The following SSR2 variants were observed in gnomAD, a reference collection of about 807,000 sequenced individuals.
SSR2 encodes translocon-associated protein subunit beta.
Under a neutral mutation model 22.6 loss-of-function variants are expected in SSR2, and 16 were observed. The ratio of observed to expected loss-of-function variants is 0.71; its 90% CI spans 0.48 to 1.08. The LOEUF (loss-of-function observed/expected upper bound fraction) is 1.08. Ranked by LOEUF, SSR2 falls within the 50% of genes least tolerant of loss-of-function variation. The pLI is 0.00. For missense variants in SSR2, 171 were observed against 221.6 expected (o/e 0.77, Z 1.45); for synonymous variants, 83 against 91.2 (o/e 0.91, Z 0.51).
At chr1:156,018,208 T>G in intron 3 of SSR2, 62 bp downstream of exon 3, 1 of 1,293,970 alleles carries the variant, frequency 7.7e-7, no homozygotes, top group Non-Finnish European at 1.1e-6. Flanking sequence ...GTACCCCTGC[T>G]GCTTTGCAGG....
At chr1:156,015,994 T>C (rs1418149936) in intron 3 of SSR2, among the ~76,000 whole-genome samples, 2 of 151,572 alleles carry the variant, frequency 1.3e-5, no homozygotes, top group East Asian at 4.0e-4. Flanking sequence ...CTACTAAAAA[T>C]ACAAAAATTA....
intron 3 of SSR2, among the ~76,000 whole-genome samples, chr1:156,017,551 T>G (rs1442829618): frequency 6.6e-6 from 1 of 151,780 alleles, no homozygotes; most frequent in Non-Finnish European, 1.5e-5. Flanking sequence ...GGTTTCACTA[T>G]CTTGGCCAGG....
chr1:156,011,815 G>C lies in SSR2; in HGVS notation c.436C>G (p.His146Asp), dbSNP rs1240602490. 1 of 1,613,572 alleles carries C rather than the reference G, an allele frequency of 6.2e-7. No individual in the cohort carries two copies. Among genetic ancestry groups the C allele is most frequent in the South Asian group, 1.1e-5 (1 of 91,058 alleles). ...QREFDRRFSP[H>D]FLDWAAFGVM... ...GAGAACACTAGAAAGCTTACAAAAT[G>C]AGGGGAGAATCGCCTGTCAAACTCC... The change falls in exon 5 of 6, where the codon CAT (histidine) becomes GAT (aspartate). Residue 146 changes from histidine to aspartate, a missense_variant. By Grantham distance (81) the His-to-Asp change is moderately conservative (BLOSUM62 -1). Coordinates refer to ENST00000295702, the MANE Select transcript of SSR2 (RefSeq NM_003145.4).
chr1:156,018,479 G>A, intron 2 of SSR2, 111 bp from the exon 3 acceptor site: 1 of 679,676 alleles, frequency 1.5e-6, no homozygotes, highest in Non-Finnish European at 2.5e-6. Flanking sequence ...AGGCCGAGGT[G>A]GGCAGATCAC....
rs752196541 is a variant in SSR2 at position 156,009,498 on chromosome 1, G to A, written c.*42C>T. ...AAAGCACCTGGATTTCTTGGGAGAG[G>A]AGCCTGGATTTCTTGGGAGAGGAGG... On this transcript the variant is annotated 3_prime_UTR_variant, in exon 6 of 6. Coordinates refer to ENST00000295702, the MANE Select transcript of SSR2 (RefSeq NM_003145.4). The A allele has an allele frequency of 6.8e-6, 10 of 1,462,262 alleles. No homozygotes were observed. The highest frequency in any genetic ancestry group is 1.1e-5 in the South Asian group (1 of 87,766). The allele number at this position is 1,462,262 out of a possible 1,614,324, so 90.6% of individuals were successfully genotyped here. A position where few individuals can be genotyped will look rare whatever the true frequency, so the allele number is the denominator to read the frequency against.
intron 2 of SSR2, among the ~76,000 whole-genome samples, chr1:156,019,631 C>T (rs1456111310): frequency 6.6e-6 from 1 of 152,100 alleles, no homozygotes; most frequent in African/African-American, 2.4e-5. Flanking sequence ...GCAATCCGCC[C>T]GCCTCAGCCT....
At chr1:156,010,388 A>C (rs1189754385) in intron 5 of SSR2, 1 of 151,922 alleles carries the variant, frequency 6.6e-6, no homozygotes, top group African/African-American at 2.4e-5. Flanking sequence ...TTATTTTTTT[A>C]GAGATAGAGT....
intron 4 of SSR2, 68 bp downstream of exon 4, chr1:156,014,893 C>G: frequency 7.7e-7 from 1 of 1,297,534 alleles, no homozygotes; most frequent in Non-Finnish European, 1.1e-6. Flanking sequence ...CCCTCTTACC[C>G]CCACCACAAG....
intron 1 of SSR2, 30 bp downstream of exon 1, chr1:156,020,858 C>G: frequency 2.1e-6 from 1 of 469,022 alleles, no homozygotes; most frequent in South Asian, 1.5e-5. Context: ...TCGCCTCTCC[C>G]GTTCGGACGC....
chr1:156,011,754 C>T, intron 5 of SSR2, 56 bp downstream of exon 5: 1 of 1,483,842 alleles, frequency 6.7e-7, no homozygotes, highest in Non-Finnish European at 9.4e-7. Context: ...GGGTCCAGAA[C>T]CAAAAGGGCA....
At chr1:156,015,483 G>A (rs1462236162) in intron 3 of SSR2, among the ~76,000 whole-genome samples, 1 of 103,026 alleles carries the variant, frequency 9.7e-6, no homozygotes, top group Non-Finnish European at 1.7e-5. Flanking sequence ...TCCAGCCTGG[G>A]TAACAGAGTG....
chr1:156,018,287 T>C lies in SSR2; in HGVS notation c.237A>G (p.Lys79=), dbSNP rs748458722. ...FGIVSGMLNV[K]WDRIAPASNV... ...GAGGATACGGGGCAATCCGGTCCCA[T>C]TTGACATTGAGCATTCCAGACACAA... is the stretch of plus-strand genomic sequence containing the variant. The change falls in exon 3 of 6, where the codon AAA becomes AAG. Residue 79 remains lysine (K), a synonymous_variant. Transcript: ENST00000295702. The C allele has an allele frequency of 2.5e-6, 4 of 1,614,000 alleles. No homozygotes were observed. In the South Asian group the frequency reaches 3.3e-5, roughly 13 times the overall value.
At chr1:156,015,979 C>T (rs977134554) in intron 3 of SSR2, among the ~76,000 whole-genome samples, 8 of 151,882 alleles carry the variant, frequency 5.3e-5, no homozygotes, top group Middle Eastern at 3.4e-3. Flanking sequence ...GGCGAAACCC[C>T]GTCTCTACTA....
rs1804478 is a variant in SSR2 at position 156,009,242 on chromosome 1, C to T, written c.*298G>A. 6,351 of 305,002 alleles carry T rather than the reference C, an allele frequency of 0.021. 142 individuals are homozygous for T. Among genetic ancestry groups the T allele is most frequent in the African/African-American group, 0.064 (2,844 of 44,286 alleles). 18.9% of individuals were successfully genotyped at this position (305,002 alleles called of 1,614,324 possible). On this transcript the variant is annotated 3_prime_UTR_variant, in exon 6 of 6. Coordinates refer to ENST00000295702, the MANE Select transcript of SSR2 (RefSeq NM_003145.4). ...CCTCCTAGACCCCTGAGAGAATTCA[C>T]GTTGCCAGCAATAAACCAACAGCAC...
chr1:156,012,660 C>A (rs917050885), intron 4 of SSR2: 2 of 447,888 alleles, frequency 4.5e-6, no homozygotes, highest in Non-Finnish European at 9.0e-6. Flanking sequence ...GCAGAAGGTG[C>A]AATGAATGTT....
chr1:156,020,480 G>A, intron 1 of SSR2: 2 of 317,228 alleles, frequency 6.3e-6, no homozygotes, highest in South Asian at 2.9e-5. Flanking sequence ...CTTCCTTGGG[G>A]TGCCTGATTT....
At chr1:156,009,727 T>C (rs1457682717) in intron 5 of SSR2, 77 bp from the exon 6 acceptor site, 7 of 952,206 alleles carry the variant, frequency 7.4e-6, no homozygotes, top group Non-Finnish European at 1.1e-5. Context: ...ATGAGTCCAA[T>C]GAGAAAGGGA....
chr1:156,019,223 A>C, intron 2 of SSR2: 2 of 452,374 alleles, frequency 4.4e-6, no homozygotes, highest in Non-Finnish European at 8.9e-6. Context: ...AGGAGGCAAT[A>C]GGTCCAAGTT....
At chr1:156,009,975 T>C (rs1043090685) in intron 5 of SSR2, among the ~76,000 whole-genome samples, 1 of 151,596 alleles carries the variant, frequency 6.6e-6, no homozygotes, top group Admixed American at 6.6e-5. Context: ...GGTTTCACCA[T>C]GTTGGTCAGG....
Sources: gnomAD v4.1 joint callset for allele counts (sites outside exome capture counted in the v4.1 genomes callset) on GRCh38, gnomAD v4.1.1 for gene constraint, MANE v1.5 for transcripts, NCBI Gene and HGNC (gene_info 2026-07-23, HGNC 2026-07-21) for gene names.